NEO1: variants seen among roughly 807,000 people sequenced by gnomAD.
NEO1 encodes the protein neogenin.
In NEO1, 63 loss-of-function variants were observed where a neutral mutation model predicts 159.7. That is an observed-to-expected ratio of 0.39 (90% CI 0.32 to 0.49). NEO1 has a LOEUF of 0.49. Ranked by LOEUF, NEO1 falls within the 20% of genes least tolerant of loss-of-function variation. The probability of loss-of-function intolerance (pLI) is 0.85; values close to 1 mark genes in which losing one functional copy is unlikely to be tolerated. For synonymous variants in NEO1, 633 were observed against 662.0 expected (o/e 0.96, Z 0.67); for missense variants, 1,615 against 1,831.0 (o/e 0.88, Z 2.15).
chr15:73,154,630 C>T (rs184237999), intron 5 of NEO1, among the ~76,000 whole-genome samples: 20 of 152,274 alleles, frequency 1.3e-4, no homozygotes, highest in Admixed American at 1.0e-3. Context: ...CTTAACATAA[C>T]GACCTCCAGT....
chr15:73,178,206 CTT>C, intron 6 of NEO1, 99 bp from the exon 7 acceptor site: 1 of 1,097,698 alleles, frequency 9.1e-7, no homozygotes, highest in Non-Finnish European at 1.3e-6. Flanking sequence ...ATCATAAAAA[CTT>C]TACTTGTTTT....
intron 7 of NEO1, among the ~76,000 whole-genome samples, chr15:73,235,834 C>T (rs2039140721): frequency 6.6e-6 from 1 of 152,202 alleles, no homozygotes; most frequent in African/African-American, 2.4e-5. Flanking sequence ...CCATGAGCCT[C>T]TCAGTGTAAC....
chr15:73,246,222 T>G (rs935972026), intron 9 of NEO1, among the ~76,000 whole-genome samples: 7 of 152,316 alleles, frequency 4.6e-5, no homozygotes, highest in East Asian at 3.9e-4. Flanking sequence ...AAGCTTGGTC[T>G]TCTTCCCTTA....
chr15:73,269,911 C>G, intron 16 of NEO1, 99 bp from the exon 17 acceptor site: 1 of 915,930 alleles, frequency 1.1e-6, no homozygotes, highest in South Asian at 1.6e-5. Context: ...TTCTCCATTT[C>G]TCACCTTTCA....
intron 1 of NEO1, among the ~76,000 whole-genome samples, chr15:73,115,919 T>G (rs923839609): frequency 1.2e-4 from 18 of 152,180 alleles, no homozygotes; most frequent in African/African-American, 3.9e-4. Context: ...GGCTGAAATT[T>G]TTTATGATCT....
chr15:73,214,155 ATGTTAGTCCTTTGTCAGCT>A (rs989057298), intron 7 of NEO1, among the ~76,000 whole-genome samples: 1 of 152,078 alleles, frequency 6.6e-6, no homozygotes, highest in Non-Finnish European at 1.5e-5. Flanking sequence ...TCGATTCTGG[ATGTTAGTCCTTTGTCAGCT>A]TGTTAGTCCT....
At chr15:73,280,354 C>A (rs2041636071) in intron 22 of NEO1, among the ~76,000 whole-genome samples, 1 of 152,142 alleles carries the variant, frequency 6.6e-6, no homozygotes, top group Non-Finnish European at 1.5e-5. Flanking sequence ...TATATTGTCC[C>A]TGGTAGGACT....
intron 4 of NEO1, among the ~76,000 whole-genome samples, chr15:73,133,596 C>T (rs973158320): frequency 3.3e-4 from 50 of 152,258 alleles, no homozygotes; most frequent in African/African-American, 1.2e-3. Flanking sequence ...TAAAAGTTCT[C>T]CTTAGCACTC....
At chr15:73,101,699 G>T (rs1045580371) in intron 1 of NEO1, among the ~76,000 whole-genome samples, 1 of 152,096 alleles carries the variant, frequency 6.6e-6, no homozygotes, top group Non-Finnish European at 1.5e-5. Context: ...TTGTCTCATC[G>T]ATTTTGTCCA....
At chr15:73,107,299 A>T (rs1250399947) in intron 1 of NEO1, among the ~76,000 whole-genome samples, 1 of 152,190 alleles carries the variant, frequency 6.6e-6, no homozygotes, top group Non-Finnish European at 1.5e-5. Context: ...TCACATACAA[A>T]ATTAAGGTGA....
chr15:73,278,112 A>T lies in NEO1; in HGVS notation c.3194-19A>T. On this transcript the variant is annotated intron_variant, in intron 21 of 28. Transcript: ENST00000261908. ...CCAAATGTGTGGGGTCATTATTGAC[A>T]TGATTTCTTCTCCTTTAGCCTCAGG... The T allele has an allele frequency of 6.2e-7, 1 of 1,606,134 alleles. No individual in the cohort carries two copies. The highest frequency in any genetic ancestry group is 8.5e-7 in the Non-Finnish European group (1 of 1,174,210).
Position 73,125,935 on chromosome 15 carries a change from G to A in NEO1, c.725-482G>A, listed in dbSNP as rs961535973. ...ATGCCATGGGTCCTGAGCTTGCTCA[G>A]TCTCCACTGTTTGTACACATGGCTT... On this transcript the variant is annotated intron_variant, in intron 3 of 28. Coordinates refer to ENST00000261908, the MANE Select transcript of NEO1 (RefSeq NM_002499.4). 2.6e-5 allele frequency among the ~76,000 whole-genome samples: 4 copies of A among 152,180 alleles called. No individual in the cohort carries two copies. The East Asian group carries it at 5.8e-4, about 22-fold the overall frequency.
At chr15:73,199,986 C>T (rs2036765330) in intron 7 of NEO1, among the ~76,000 whole-genome samples, 1 of 152,156 alleles carries the variant, frequency 6.6e-6, no homozygotes, top group African/African-American at 2.4e-5. Context: ...TACTGCTACA[C>T]TGAGGATTAA....
At chr15:73,064,624 CCAG>C (rs2068122566) in intron 1 of NEO1, among the ~76,000 whole-genome samples, 1 of 152,022 alleles carries the variant, frequency 6.6e-6, no homozygotes, top group Non-Finnish European at 1.5e-5. Flanking sequence ...ACCACCATGC[CCAG>C]CTAGTTTCTT....
intron 7 of NEO1, among the ~76,000 whole-genome samples, chr15:73,187,204 A>T (rs2151995908): frequency 6.6e-6 from 1 of 152,232 alleles, no homozygotes; most frequent in East Asian, 1.9e-4. Context: ...TCACTCCATT[A>T]TTTTTCTAGT....
At chr15:73,254,553 T>C (rs2040243294) in intron 12 of NEO1, 129 bp from the exon 13 acceptor site, 1 of 898,474 alleles carries the variant, frequency 1.1e-6, no homozygotes, top group East Asian at 2.6e-5. Flanking sequence ...AATAACTTTG[T>C]AAAACTCTGA....
intron 6 of NEO1, 144 bp downstream of exon 6, chr15:73,176,701 C>T (rs1342078704): frequency 1.4e-5 from 8 of 573,474 alleles, no homozygotes; most frequent in Non-Finnish European, 2.2e-5. Context: ...GTAATACCTT[C>T]ATTGGCTGAT....
chr15:73,293,945 A>C (rs2151152206), intron 26 of NEO1, among the ~76,000 whole-genome samples: 1 of 152,326 alleles, frequency 6.6e-6, no homozygotes, highest in African/African-American at 2.4e-5. Context: ...GGGTAGGTCC[A>C]AAGGTTAACT....
intron 1 of NEO1, among the ~76,000 whole-genome samples, chr15:73,114,814 A>G (rs2071211070): frequency 6.6e-6 from 1 of 152,300 alleles, no homozygotes; most frequent in East Asian, 1.9e-4. Context: ...TAGAGATTTA[A>G]TAGTTACATA....
Sources: gnomAD v4.1 joint callset for allele counts (sites outside exome capture counted in the v4.1 genomes callset) on GRCh38, gnomAD v4.1.1 for gene constraint, MANE v1.5 for transcripts, NCBI Gene and HGNC (gene_info 2026-07-23, HGNC 2026-07-21) for gene names.